AKT3: variants seen among roughly 807,000 people sequenced by gnomAD.
AKT3 encodes the protein RAC-gamma serine/threonine-protein kinase.
In AKT3, 15 loss-of-function variants were observed where a neutral mutation model predicts 65.3. That is an observed-to-expected ratio of 0.23 (90% CI 0.15 to 0.35). The LOEUF is 0.35. Among genes scored for constraint, AKT3 ranks in the 10% least tolerant of loss-of-function variants. The pLI is 1.00. For synonymous variants in AKT3, 206 were observed against 183.8 expected (o/e 1.12, Z -0.98); for missense variants, 243 against 576.5 (o/e 0.42, Z 5.92).
chr1:243,712,224 A>G (rs899390787), intron 2 of AKT3, among the ~76,000 whole-genome samples: 2 of 152,208 alleles, frequency 1.3e-5, no homozygotes, highest in African/African-American at 4.8e-5. Flanking sequence ...GAGACAAAGG[A>G]AAAGTCAAGG....
intron 6 of AKT3, among the ~76,000 whole-genome samples, chr1:243,627,618 T>C (rs545136961): frequency 3.3e-5 from 5 of 152,300 alleles, no homozygotes; most frequent in African/African-American, 1.2e-4. Flanking sequence ...TTGAAAATAG[T>C]GGTGGCTCAC....
rs1011707947 is a variant in AKT3 at position 243,645,793 on chromosome 1, C to A, written c.429+100G>T. ...AAGACCCACCAATATATTTACATAT[C>A]GTAAGAAAACTGGCTGACATCTTTC... is the stretch of plus-strand genomic sequence containing the variant. On this transcript the variant is annotated intron_variant, in intron 5 of 13. Transcript: ENST00000673466. The A allele has an allele frequency of 5.0e-6, 6 of 1,201,806 alleles. No individual in the cohort carries two copies. The African/African-American group carries it at 6.2e-5, about 12-fold the overall frequency. The allele number at this position is 1,201,806 out of a possible 1,614,324, so 74.4% of individuals were successfully genotyped here. A position where few individuals can be genotyped will look rare whatever the true frequency, so the allele number is the denominator to read the frequency against.
At chr1:243,682,953 G>T (rs1181253912) in intron 3 of AKT3, among the ~76,000 whole-genome samples, 1 of 152,050 alleles carries the variant, frequency 6.6e-6, no homozygotes, top group East Asian at 1.9e-4. Flanking sequence ...TCAAAACTTA[G>T]CCATAAAACA....
At chr1:243,703,447 CATGTTTTATTG>C (rs1358221093) in intron 2 of AKT3, among the ~76,000 whole-genome samples, 1 of 152,032 alleles carries the variant, frequency 6.6e-6, no homozygotes, top group Non-Finnish European at 1.5e-5. Flanking sequence ...TTATCATAAC[CATGTTTTATTG>C]ATGTCTTAAA....
intron 2 of AKT3, among the ~76,000 whole-genome samples, chr1:243,824,665 A>G (rs1270681087): frequency 3.3e-5 from 5 of 152,172 alleles, no homozygotes; most frequent in Admixed American, 3.3e-4. Context: ...GCTCAATATC[A>G]CTGATCATTC....
rs577238555 is a variant in AKT3 at position 243,500,590 on chromosome 1, C to T, written c.*4659G>A. 43 of 229,530 alleles carry T rather than the reference C, an allele frequency of 1.9e-4. No homozygotes were observed. Among genetic ancestry groups the T allele is most frequent in the African/African-American group, 9.1e-4 (41 of 45,270 alleles). The allele number at this position is 229,530 out of a possible 1,614,324, so 14.2% of individuals were successfully genotyped here. ...GTAATAAAAACGGACACTGGACATA[C>T]CGTGTTGTATCTGAGAATGACAAAC... On this transcript the variant is annotated 3_prime_UTR_variant, in exon 14 of 14. Coordinates refer to ENST00000673466, the MANE Select transcript of AKT3 (RefSeq NM_005465.7).
chr1:243,641,378 G>A (rs1366056936), intron 5 of AKT3, among the ~76,000 whole-genome samples: 1 of 148,850 alleles, frequency 6.7e-6, no homozygotes, highest in African/African-American at 2.6e-5. Flanking sequence ...CACATGGCAA[G>A]TAACTCAGAA....
At chr1:243,718,462 T>C (rs1686652480) in intron 2 of AKT3, among the ~76,000 whole-genome samples, 1 of 151,788 alleles carries the variant, frequency 6.6e-6, no homozygotes, top group South Asian at 2.1e-4. Context: ...TTTTGTTTTG[T>C]TTTTTTTCAG....
intron 5 of AKT3, among the ~76,000 whole-genome samples, chr1:243,642,887 T>C (rs964982233): frequency 7.9e-5 from 12 of 152,046 alleles, no homozygotes; most frequent in Non-Finnish European, 4.4e-5. Context: ...ATAAAGAACT[T>C]CCAAGAATAC....
intron 2 of AKT3, among the ~76,000 whole-genome samples, chr1:243,714,390 T>G (rs999006854): frequency 6.6e-6 from 1 of 152,174 alleles, no homozygotes; most frequent in Admixed American, 6.5e-5. Flanking sequence ...TGAATACAAG[T>G]TCATTGGAGT....
intron 2 of AKT3, among the ~76,000 whole-genome samples, chr1:243,842,777 T>C (rs1695323541): frequency 6.6e-6 from 1 of 152,194 alleles, no homozygotes; most frequent in Non-Finnish European, 1.5e-5. Flanking sequence ...ATTAAATGCA[T>C]ATAGGATCGT....
At chr1:243,739,792 G>A (rs1198103479) in intron 2 of AKT3, among the ~76,000 whole-genome samples, 1 of 152,182 alleles carries the variant, frequency 6.6e-6, no homozygotes, top group Non-Finnish European at 1.5e-5. Flanking sequence ...CTGTTCCCCA[G>A]ATAAACAATG....
At chr1:243,498,617 T>TAAAC (rs767031137), downstream of AKT3, among the ~76,000 whole-genome samples, 2 of 152,382 alleles carry the variant, frequency 1.3e-5, no homozygotes, top group East Asian at 1.9e-4. Context: ...ACTTGAAATG[T>TAAAC]AAACATTACT....
intron 12 of AKT3, among the ~76,000 whole-genome samples, chr1:243,520,743 G>A (rs914970022): frequency 6.6e-6 from 1 of 152,210 alleles, no homozygotes; most frequent in Non-Finnish European, 1.5e-5. Context: ...AGAGGATAAA[G>A]TTTCTGGGTT....
At chr1:243,530,349 A>C (rs1671441983) in intron 12 of AKT3, among the ~76,000 whole-genome samples, 1 of 152,220 alleles carries the variant, frequency 6.6e-6, no homozygotes, top group Non-Finnish European at 1.5e-5. Flanking sequence ...CAATAAAAAC[A>C]GAAATCAATA....
chr1:243,703,480 G>C (rs1357237919), intron 2 of AKT3, among the ~76,000 whole-genome samples: 1 of 152,020 alleles, frequency 6.6e-6, no homozygotes, highest in African/African-American at 2.4e-5. Flanking sequence ...ATAATCCTGG[G>C]CCAGGCGTGG....
At chr1:243,606,747 G>A (rs1276586580) in intron 8 of AKT3, among the ~76,000 whole-genome samples, 1 of 152,224 alleles carries the variant, frequency 6.6e-6, no homozygotes, top group Non-Finnish European at 1.5e-5. Context: ...GACCTTTGCA[G>A]CAGCCCCTCC....
chr1:243,810,894 T>C (rs552868855), intron 2 of AKT3, among the ~76,000 whole-genome samples: 14 of 152,218 alleles, frequency 9.2e-5, no homozygotes, highest in African/African-American at 3.1e-4. Context: ...AATAAAGTAA[T>C]CCAGCATATA....
intron 8 of AKT3, among the ~76,000 whole-genome samples, chr1:243,612,198 T>A (rs1415971487): frequency 6.6e-6 from 1 of 152,094 alleles, no homozygotes; most frequent in Non-Finnish European, 1.5e-5. Flanking sequence ...AGCCTTGACC[T>A]CCCAGGCTCA....
Sources: gnomAD v4.1 joint callset for allele counts (sites outside exome capture counted in the v4.1 genomes callset) on GRCh38, gnomAD v4.1.1 for gene constraint, MANE v1.5 for transcripts, NCBI Gene and HGNC (gene_info 2026-07-23, HGNC 2026-07-21) for gene names.